The following ZNF81 variants were observed in gnomAD, a reference collection of about 807,000 sequenced individuals.
ZNF81 encodes zinc finger protein 81, also known as zinc finger protein 81 (HFZ20).
A neutral mutation model predicts 32.3 loss-of-function variants in ZNF81; 5 were observed. The observed-to-expected ratio is 0.15, with a 90% confidence interval of 0.08 to 0.33. The LOEUF (loss-of-function observed/expected upper bound fraction) is 0.33, where lower values mean the gene tolerates loss of function less well. Ranked by LOEUF, ZNF81 falls within the 10% of genes least tolerant of loss-of-function variation. The pLI is 1.00. For missense variants in ZNF81, 379 were observed against 479.8 expected (o/e 0.79, Z 1.96); for synonymous variants, 163 against 166.8 (o/e 0.98, Z 0.17).
At chrX:47,874,655 T>C (rs2058592777) in intron 2 of ZNF81, among the ~76,000 whole-genome samples, 1 of 112,295 alleles carries the variant, frequency 8.9e-6, no homozygotes, top group Admixed American at 9.4e-5. Context: ...TAGGAAGGGC[T>C]GCTGTCCTCT....
chrX:47,906,993 G>C (rs2058723087), intron 4 of ZNF81, among the ~76,000 whole-genome samples: 1 of 109,878 alleles, frequency 9.1e-6, no homozygotes, highest in Non-Finnish European at 1.9e-5. Flanking sequence ...GTGCTAACTG[G>C]AAGATCAAAA....
chrX:47,862,866 A>G (rs1452341785), intron 2 of ZNF81, among the ~76,000 whole-genome samples: 1 of 111,510 alleles, frequency 9.0e-6, no homozygotes, highest in Non-Finnish European at 1.9e-5. Flanking sequence ...TTGTTTTTGC[A>G]TTCAGGGGAA....
At chrX:47,895,776 G>A in intron 3 of ZNF81, 69 bp from the exon 4 acceptor site, 2 of 797,053 alleles carry the variant, frequency 2.5e-6, no homozygotes, top group Non-Finnish European at 3.8e-6. Context: ...ATGAAATGTG[G>A]TTACTTCTCC....
Position 47,924,806 on chromosome X carries a change from TTA to T in ZNF81, c.*8187_*8188del, listed in dbSNP as rs201196940. On this transcript the variant is annotated 3_prime_UTR_variant, in exon 5 of 5. Coordinates refer to ENST00000338637, the MANE Select transcript of ZNF81 (RefSeq NM_007137.5). ...TGGTTGCATTCCAGGTTAATAAAGATTATATATATATATACCCAAAGAAGAGG... is the reference window on the plus strand; with the variant it reads ...TGGTTGCATTCCAGGTTAATAAAGATTATATATATATACCCAAAGAAGAGG... 9.1e-6 allele frequency among the ~76,000 whole-genome samples: 1 copy of T among 110,140 alleles called. No homozygotes were observed. The highest frequency in any genetic ancestry group is 1.9e-5 in the Non-Finnish European group (1 of 52,546).
Position 47,915,098 on chromosome X carries a change from G to T in ZNF81, c.452G>T (p.Ser151Ile). The T allele has an allele frequency of 8.3e-7, 1 of 1,208,622 alleles. No homozygotes were observed. Among genetic ancestry groups the T allele is most frequent in the Non-Finnish European group, 1.1e-6 (1 of 894,460 alleles). The change falls in exon 5 of 5, where the codon AGT becomes ATT. Residue 151 changes from serine (S) to isoleucine (I), a missense_variant. Ser to Ile is a moderately radical substitution (Grantham distance 142). Around this residue, in one of 2 missense-constraint regions of ZNF81, gnomAD observed 277 missense variants for 306.6 expected, o/e 0.90. Transcript: ENST00000338637. ...CAGGAAAAACACAACAAACTTCTGA[G>T]TCGCACTACTTTCCTCAATAAGAAA... ...RCQEKHNKLL[S>I]RTTFLNKKIL...
chrX:47,898,048 G>A (rs1374568534), intron 4 of ZNF81, among the ~76,000 whole-genome samples: 2 of 111,487 alleles, frequency 1.8e-5, no homozygotes, highest in African/African-American at 6.5e-5. Context: ...AAGGAGTGAG[G>A]GGAAAGCATA....
At chrX:47,871,206 C>T (rs978627878) in intron 2 of ZNF81, among the ~76,000 whole-genome samples, 9 of 111,726 alleles carry the variant, frequency 8.1e-5, no homozygotes, top group East Asian at 5.6e-4. Flanking sequence ...TCTCATAACT[C>T]GGATATTAAT....
intron 4 of ZNF81, among the ~76,000 whole-genome samples, chrX:47,908,204 A>C (rs2058727348): frequency 9.0e-6 from 1 of 111,523 alleles, no homozygotes. Flanking sequence ...AAATCAATAG[A>C]GAAAAAAATA....
rs146849365 is a variant in ZNF81, at chrX:47,885,717, A to C, written c.55-2282A>C. 9.4e-3 allele frequency among the ~76,000 whole-genome samples: 1,046 copies of C among 111,588 alleles called. 6 individuals are homozygous for C. The highest frequency in any genetic ancestry group is 0.037 in the Middle Eastern group (8 of 216). On this transcript the variant is annotated intron_variant, in intron 2 of 4. Coordinates refer to ENST00000338637, the MANE Select transcript of ZNF81 (RefSeq NM_007137.5). ...AGGAAGGATGTAGCTAGTTCCCTCC[A>C]GCCCTTTTAAAAGAACACTAACCCA...
chrX:47,918,968 G>A lies in ZNF81; in HGVS notation c.*2336G>A. ...ATTGTATATATTGGGTGTATGTTGGGGGGCATGTAACTTGTCATTTAGCTC... is the reference window on the plus strand; with the variant it reads ...ATTGTATATATTGGGTGTATGTTGGAGGGCATGTAACTTGTCATTTAGCTC... On this transcript the variant is annotated 3_prime_UTR_variant, in exon 5 of 5. Transcript: ENST00000338637. 3.9e-6 allele frequency: 1 copy of A among 258,558 alleles called. No homozygotes were observed. The highest frequency in any genetic ancestry group is 3.8e-5 in the South Asian group (1 of 26,412). 21.3% of individuals were successfully genotyped at this position (258,558 alleles called of 1,213,427 possible). A position where few individuals can be genotyped will look rare whatever the true frequency, so the allele number is the denominator to read the frequency against.
chrX:47,875,769 T>C (rs1479351213), intron 2 of ZNF81, among the ~76,000 whole-genome samples: 2 of 112,126 alleles, frequency 1.8e-5, no homozygotes, highest in Non-Finnish European at 3.8e-5. Context: ...AGTTTTATTA[T>C]TGAATAAGCA....
chrX:47,860,071 A>G (rs181667432), intron 2 of ZNF81, among the ~76,000 whole-genome samples: 1 of 111,111 alleles, frequency 9.0e-6, no homozygotes, highest in Non-Finnish European at 1.9e-5. Context: ...TGCCAGGAAC[A>G]TCTGTTGTTC....
At chrX:47,869,552 A>C (rs2058572395) in intron 2 of ZNF81, among the ~76,000 whole-genome samples, 2 of 112,428 alleles carry the variant, frequency 1.8e-5, no homozygotes, top group Non-Finnish European at 3.8e-5. Flanking sequence ...CATTTTCCAG[A>C]ATACCTCTTT....
intron 4 of ZNF81, among the ~76,000 whole-genome samples, chrX:47,900,260 T>C (rs1449636014): frequency 9.0e-6 from 1 of 111,487 alleles, no homozygotes; most frequent in Non-Finnish European, 1.9e-5. Flanking sequence ...CACACTAATA[T>C]ATAAATGGAA....
intron 2 of ZNF81, among the ~76,000 whole-genome samples, chrX:47,862,115 G>A (rs782208426): frequency 1.8e-5 from 2 of 111,462 alleles, no homozygotes; most frequent in East Asian, 5.7e-4. Flanking sequence ...TCATTTGAGG[G>A]TTACGTGAAC....
chrX:47,913,452 A>G (rs486108), intron 4 of ZNF81, among the ~76,000 whole-genome samples: 9,550 of 111,421 alleles, frequency 0.086, 995 homozygotes, highest in African/African-American at 0.3. Context: ...CAAGGCTGCC[A>G]TGAGCTATGA....
In ZNF81 at chrX:47,900,442, A is replaced by G. The variant is rs1371991779; in HGVS notation, c.277+4502A>G. 3.6e-5 allele frequency among the ~76,000 whole-genome samples: 4 copies of G among 111,925 alleles called. No homozygotes were observed. In the East Asian group the frequency reaches 1.1e-3, roughly 31 times the overall value. On this transcript the variant is annotated intron_variant, in intron 4 of 4. Coordinates refer to ENST00000338637, the MANE Select transcript of ZNF81 (RefSeq NM_007137.5). ...CTTTGACCCATACTTCACATCCTAT[A>G]CAAAAATTAACTCAAGTTCTAGTAT...
rs1023951911 is a variant in ZNF81, at chrX:47,925,417, G to T, written c.*8785G>T. Among the ~76,000 whole-genome samples the T allele has an allele frequency of 1.2e-4, 13 of 111,570 alleles. No homozygotes were observed. Among genetic ancestry groups the T allele is most frequent in the African/African-American group, 4.2e-4 (13 of 30,676 alleles). Reference sequence around the variant, plus strand: ...TTATACACATGGAATAATACTATAGGTACTCTTGTTTGGCTCCTTCCATCC... The same window carrying T: ...TTATACACATGGAATAATACTATAGTTACTCTTGTTTGGCTCCTTCCATCC... On this transcript the variant is annotated 3_prime_UTR_variant, in exon 5 of 5. Coordinates refer to ENST00000338637, the MANE Select transcript of ZNF81 (RefSeq NM_007137.5).
intron 2 of ZNF81, among the ~76,000 whole-genome samples, chrX:47,865,348 A>G (rs1352982300): frequency 4.5e-5 from 5 of 112,051 alleles, no homozygotes; most frequent in Admixed American, 1.9e-4. Flanking sequence ...TCAGGTGTTC[A>G]GTTTCGACAA....
Sources: gnomAD v4.1 joint callset for allele counts (sites outside exome capture counted in the v4.1 genomes callset) on GRCh38, gnomAD v4.1.1 for gene constraint, gnomAD v4.1.1 regional missense constraint, MANE v1.5 for transcripts, NCBI Gene and HGNC (gene_info 2026-07-23, HGNC 2026-07-21) for gene names.